RAB11FIP1: variants seen among roughly 807,000 people sequenced by gnomAD.
RAB11FIP1 encodes RAB11 family interacting protein 1.
In RAB11FIP1, 49 loss-of-function variants were observed where a neutral mutation model predicts 83.1. The observed-to-expected ratio is 0.59, with a 90% CI of 0.47 to 0.75. The LOEUF (loss-of-function observed/expected upper bound fraction) is 0.75, where lower values mean the gene tolerates loss of function less well. Among genes scored for constraint, RAB11FIP1 ranks in the 30% least tolerant of loss-of-function variants. The pLI, the probability that RAB11FIP1 is intolerant of heterozygous loss-of-function variation, is 0.00. For synonymous variants in RAB11FIP1, 670 were observed against 656.0 expected, an observed-to-expected ratio of 1.02 and a Z score of -0.33; for missense variants, 1,536 against 1,598.7, an observed-to-expected ratio of 0.96 and a Z score of 0.67.
At chr8:37,883,432 A>G (rs1340055195) in intron 1 of RAB11FIP1, among the ~76,000 whole-genome samples, 3 of 152,150 alleles carry the variant, frequency 2.0e-5, no homozygotes, top group Admixed American at 6.5e-5. Flanking sequence ...AGCCTCCCCA[A>G]GTGTTGGGAT....
At chr8:37,888,350 G>GC (rs1219558270) in intron 1 of RAB11FIP1, among the ~76,000 whole-genome samples, 28 of 152,110 alleles carry the variant, frequency 1.8e-4, no homozygotes, top group African/African-American at 6.5e-4. Flanking sequence ...CAGGTGATCC[G>GC]CCCCCTTTGG....
intron 3 of RAB11FIP1, 199 bp from the exon 4 acceptor site, chr8:37,873,378 G>A (rs1806527087): frequency 7.8e-6 from 4 of 513,262 alleles, no homozygotes; most frequent in Non-Finnish European, 1.3e-5. Context: ...GCCGAGGCAG[G>A]CGGATCACCT....
rs764112944 is a variant in RAB11FIP1 at position 37,872,672 on chromosome 8, G to A, written c.2130C>T (p.Pro710=). The change falls in exon 4 of 6, where the codon CCC becomes CCT. Residue 710 remains proline (P), a synonymous_variant. Transcript: ENST00000330843. ...GRQEEELPRF[P]CKKQDYSPSS... is the part of the protein sequence containing the mutation. ...ATGGGCTGTAGTCTTGTTTTTTGCAGGGGAATCTCGGAAGTTCTTCCTCTT... is the reference window on the plus strand; with the variant it reads ...ATGGGCTGTAGTCTTGTTTTTTGCAAGGGAATCTCGGAAGTTCTTCCTCTT... 1 of 1,614,172 alleles carries A rather than the reference G, an allele frequency of 6.2e-7. No homozygotes were observed. The highest frequency in any genetic ancestry group is 2.2e-5 in the East Asian group (1 of 44,888).
intron 2 of RAB11FIP1, among the ~76,000 whole-genome samples, chr8:37,876,591 C>T (rs1017606995): frequency 3.3e-5 from 5 of 151,786 alleles, no homozygotes; most frequent in Non-Finnish European, 5.9e-5. Flanking sequence ...GAGCAAGACC[C>T]TGTCTCTAAA....
intron 1 of RAB11FIP1, among the ~76,000 whole-genome samples, chr8:37,888,592 C>T (rs912753613): frequency 1.3e-5 from 2 of 151,992 alleles, no homozygotes; most frequent in African/African-American, 4.8e-5. Context: ...AATCCTCCCA[C>T]CTTAGCCTAC....
At chr8:37,892,771 A>C (rs7812866) in intron 1 of RAB11FIP1, among the ~76,000 whole-genome samples, 72,214 of 151,878 alleles carry the variant, frequency 0.48, 17,366 homozygotes, top group African/African-American at 0.52. Context: ...TCAGTGGCTT[A>C]CCATTCCTCC....
Position 37,874,431 on chromosome 8 carries a change from A to C in RAB11FIP1, c.1622+84T>G, listed in dbSNP as rs942630906. ...TATATGGGTACTATGATATCATGGG[A>C]CCCACAAGAGCTGGTCTAACGTAAG... On this transcript the variant is annotated intron_variant, in intron 3 of 5. Transcript: ENST00000330843. 3 of 1,058,802 alleles carry C rather than the reference A, an allele frequency of 2.8e-6. No individual in the cohort carries two copies. The African/African-American group carries it at 4.8e-5, about 17-fold the overall frequency. 65.6% of individuals were successfully genotyped at this position (1,058,802 alleles called of 1,614,324 possible). A position where few individuals can be genotyped will look rare whatever the true frequency, so the allele number is the denominator to read the frequency against.
intron 1 of RAB11FIP1, among the ~76,000 whole-genome samples, chr8:37,891,873 T>C (rs935771259): frequency 6.6e-6 from 1 of 152,342 alleles, no homozygotes; most frequent in Non-Finnish European, 1.5e-5. Flanking sequence ...GCAGCTCTGC[T>C]GTTACAAGAC....
chr8:37,877,698 T>C (rs1806646208), intron 1 of RAB11FIP1, 147 bp from the exon 2 acceptor site: 1 of 543,594 alleles, frequency 1.8e-6, no homozygotes, highest in Non-Finnish European at 3.2e-6. Context: ...AAGTGGTAGA[T>C]GAGAGCAGAA....
Position 37,859,183 on chromosome 8 carries a change from G to A in RAB11FIP1, c.*3712C>T, listed in dbSNP as rs1031341425. 5 of 151,830 alleles carry A rather than the reference G, an allele frequency of 3.3e-5. No individual in the cohort carries two copies. Among genetic ancestry groups the A allele is most frequent in the African/African-American group, 1.2e-4 (5 of 41,158 alleles). 9.4% of individuals were successfully genotyped at this position (151,830 alleles called of 1,614,324 possible). On this transcript the variant is annotated 3_prime_UTR_variant, in exon 6 of 6. Transcript: ENST00000330843. ...ACGGAGTTAAGTTTGGTGGATACTA[G>A]GAATTAAGTTCTCCACCTAAGGCAA...
At chr8:37,898,176 G>A (rs1040724365) in intron 1 of RAB11FIP1, among the ~76,000 whole-genome samples, 6 of 152,228 alleles carry the variant, frequency 3.9e-5, no homozygotes, top group African/African-American at 1.4e-4. Context: ...TTCACTTAGT[G>A]CTTACTGTGT....
chr8:37,872,555 G>C lies in RAB11FIP1; in HGVS notation c.2247C>G (p.Asp749Glu). 1 of 1,614,210 alleles carries C rather than the reference G, an allele frequency of 6.2e-7. No homozygotes were observed. Among genetic ancestry groups the C allele is most frequent in the Non-Finnish European group, 8.5e-7 (1 of 1,180,048 alleles). ...SPVGELAAGG[D>E]RDLESQAGSL... ...ACCCAGCCTGACTCTCCAAGTCTCTGTCTCCTCCTGCTGCAAGCTCCCCAA... is the reference window on the plus strand; with the variant it reads ...ACCCAGCCTGACTCTCCAAGTCTCTCTCTCCTCCTGCTGCAAGCTCCCCAA... Residue 749 changes from aspartate (D) to glutamate (E), a missense_variant, in exon 4 of 6, where the codon GAC becomes GAG. By Grantham distance (45) the Asp-to-Glu change is conservative. Transcript: ENST00000330843.
intron 1 of RAB11FIP1, among the ~76,000 whole-genome samples, chr8:37,883,347 C>T (rs1563372634): frequency 2.0e-5 from 3 of 152,018 alleles, no homozygotes; most frequent in South Asian, 2.1e-4. Context: ...TACAGGCGTG[C>T]GCAACTATGC....
At chr8:37,881,377 T>C (rs1433765452) in intron 1 of RAB11FIP1, among the ~76,000 whole-genome samples, 2 of 152,142 alleles carry the variant, frequency 1.3e-5, no homozygotes, top group Non-Finnish European at 2.9e-5. Context: ...TTTTGTAACA[T>C]AGAGAAAAGA....
chr8:37,871,980 A>G lies in RAB11FIP1; in HGVS notation c.2822T>C (p.Leu941Pro), dbSNP rs762239921. 6.2e-7 allele frequency: 1 copy of G among 1,614,176 alleles called. No homozygotes were observed. Residue 941 changes from leucine (L) to proline (P), a missense_variant, in exon 4 of 6, where the codon CTT becomes CCT. Leu to Pro is a moderately conservative substitution (Grantham distance 98). Transcript: ENST00000330843. The part of the protein sequence containing the change: ...EGLLSDPLSD[L>P]QLVSDFKSPI... ...AGATTTAAAATCTGAGACCAACTGA[A>G]GGTCACTCAAGGGGTCAGACAATAA...
chr8:37,878,434 C>T (rs1405636952), intron 1 of RAB11FIP1, among the ~76,000 whole-genome samples: 3 of 147,354 alleles, frequency 2.0e-5, no homozygotes, highest in African/African-American at 5.0e-5. Context: ...CTCAGGAGAC[C>T]GTGGCAGGAG....
intron 1 of RAB11FIP1, among the ~76,000 whole-genome samples, chr8:37,895,253 ATATATATTTTTTTTTTTTT>A (rs1800327183): frequency 7.7e-5 from 1 of 12,992 alleles, no homozygotes; most frequent in Non-Finnish European, 1.2e-4. Context: ...ATATATATAT[ATATATATTTTTTTTTTTTT>A]TTTTTTTTTT....
intron 5 of RAB11FIP1, among the ~76,000 whole-genome samples, chr8:37,868,042 T>C (rs1206452357): frequency 6.6e-6 from 1 of 152,054 alleles, no homozygotes; most frequent in Non-Finnish European, 1.5e-5. Flanking sequence ...GCCCAGGAGT[T>C]CGAGGCTGCG....
At chr8:37,896,518 CCAT>C (rs1256238020) in intron 1 of RAB11FIP1, among the ~76,000 whole-genome samples, 1 of 152,052 alleles carries the variant, frequency 6.6e-6, no homozygotes, top group Non-Finnish European at 1.5e-5. Flanking sequence ...CAACTAAGCA[CCAT>C]TTTCCTGGAA....
Sources: gnomAD v4.1 joint callset for allele counts (sites outside exome capture counted in the v4.1 genomes callset) on GRCh38, gnomAD v4.1.1 for gene constraint, MANE v1.5 for transcripts, NCBI Gene and HGNC (gene_info 2026-07-23, HGNC 2026-07-21) for gene names.